The following ANO3 variants were observed in gnomAD, a reference collection of about 807,000 sequenced individuals.
ANO3 encodes anoctamin 3.
ANO3 carries 99 observed loss-of-function variants against 144.8 expected under a neutral mutation model. The observed-to-expected ratio is 0.68, with a 90% CI of 0.58 to 0.81. The LOEUF (loss-of-function observed/expected upper bound fraction) is 0.81. Ranked by LOEUF, ANO3 falls within the 30% of genes least tolerant of loss-of-function variation. The pLI, the probability that ANO3 is intolerant of heterozygous loss-of-function variation, is 0.00. For missense variants in ANO3, 905 were observed against 1,202.2 expected, an observed-to-expected ratio of 0.75 and a Z score of 3.66; for synonymous variants, 414 against 392.6, an observed-to-expected ratio of 1.05 and a Z score of -0.64.
chr11:26,562,362 C>G (rs369642232), intron 14 of ANO3, among the ~76,000 whole-genome samples: 35 of 151,938 alleles, frequency 2.3e-4, no homozygotes, highest in Admixed American at 5.9e-4. Context: ...CAATGGGACC[C>G]ACCAGAAGCA....
At chr11:26,309,704 G>T in exon 1 of ANO3, 4 of 985,340 alleles carry the variant, frequency 4.1e-6, no homozygotes, top group Non-Finnish European at 4.8e-6. Flanking sequence ...GGCTGCCAAA[G>T]GCAAATATAA....
chr11:26,507,664 T>C (rs569849596), intron 4 of ANO3, among the ~76,000 whole-genome samples: 1 of 152,308 alleles, frequency 6.6e-6, no homozygotes, highest in African/African-American at 2.4e-5. Flanking sequence ...ATCTTTGAAA[T>C]GCATGTAATG....
chr11:26,563,344 T>C, intron 14 of ANO3: 1 of 1,365,342 alleles, frequency 7.3e-7, no homozygotes, highest in Non-Finnish European at 9.9e-7. Context: ...ACTTTCCATA[T>C]AACAAAGAAT....
chr11:26,543,495 C>T (rs1849697835), intron 11 of ANO3, among the ~76,000 whole-genome samples: 1 of 151,980 alleles, frequency 6.6e-6, no homozygotes, highest in South Asian at 2.1e-4. Context: ...TTCTAGGGTA[C>T]ATGTGCACAA....
intron 3 of ANO3, among the ~76,000 whole-genome samples, chr11:26,453,105 G>A (rs1452252036): frequency 6.6e-6 from 1 of 152,098 alleles, no homozygotes; most frequent in Non-Finnish European, 1.5e-5. Context: ...GGAACAACCG[G>A]TACCAGCCGC....
chr11:26,190,681 T>A (rs1214003775), intron 1 of ANO3, among the ~76,000 whole-genome samples: 1 of 152,194 alleles, frequency 6.6e-6, no homozygotes, highest in African/African-American at 2.4e-5. Flanking sequence ...TAGATTCAAC[T>A]ATTGTCTTTG....
intron 14 of ANO3, among the ~76,000 whole-genome samples, chr11:26,588,332 A>G (rs1390760141): frequency 5.7e-5 from 2 of 34,830 alleles, no homozygotes; most frequent in African/African-American, 1.3e-4. Context: ...ATTTTTCTGT[A>G]TACCTTTTTC....
chr11:26,640,575 G>GT (rs1279896781), intron 21 of ANO3, among the ~76,000 whole-genome samples: 1 of 152,134 alleles, frequency 6.6e-6, no homozygotes, highest in African/African-American at 2.4e-5. Context: ...ACAAGATGAT[G>GT]TAGGGGTCAT....
chr11:26,295,022 C>T (rs1854054007), intron 1 of ANO3, among the ~76,000 whole-genome samples: 1 of 152,046 alleles, frequency 6.6e-6, no homozygotes, highest in South Asian at 2.1e-4. Context: ...CCTCAGCCTC[C>T]TGAGTAACTG....
At chr11:26,427,961 T>G (rs1435610328) in intron 1 of ANO3, among the ~76,000 whole-genome samples, 1 of 152,116 alleles carries the variant, frequency 6.6e-6, no homozygotes, top group Non-Finnish European at 1.5e-5. Flanking sequence ...ACCACCCCCA[T>G]GATTCTATTA....
intron 1 of ANO3, among the ~76,000 whole-genome samples, chr11:26,225,024 T>G (rs1000638603): frequency 6.6e-6 from 1 of 152,180 alleles, no homozygotes; most frequent in African/African-American, 2.4e-5. Flanking sequence ...TTTTTAAATA[T>G]TCATTTATTA....
intron 1 of ANO3, among the ~76,000 whole-genome samples, chr11:26,209,853 A>C (rs1370711880): frequency 1.3e-5 from 2 of 151,826 alleles, no homozygotes; most frequent in East Asian, 1.9e-4. Flanking sequence ...TTTTCTTGTA[A>C]ATTTGTTTAA....
At chr11:26,370,634 G>A (rs1448072991) in intron 1 of ANO3, among the ~76,000 whole-genome samples, 11 of 152,314 alleles carry the variant, frequency 7.2e-5, no homozygotes, top group Non-Finnish European at 1.6e-4. Context: ...ATGTGGGAAC[G>A]TTTGGAACTT....
intron 5 of ANO3, 46 bp from the exon 6 acceptor site, chr11:26,516,781 C>A (rs199969652): frequency 2.5e-4 from 333 of 1,333,126 alleles, no homozygotes; most frequent in Middle Eastern, 1.3e-3. Context: ...ATGATATCAT[C>A]AGCTCTGATT....
chr11:26,379,584 C>A (rs746569284), intron 1 of ANO3, among the ~76,000 whole-genome samples: 53 of 151,958 alleles, frequency 3.5e-4, no homozygotes, highest in Admixed American at 1.0e-3. Context: ...GAGTTCAAGA[C>A]CAGCTTGGGC....
intron 3 of ANO3, among the ~76,000 whole-genome samples, chr11:26,448,881 G>A (rs1462878911): frequency 2.7e-5 from 4 of 150,146 alleles, no homozygotes; most frequent in African/African-American, 1.0e-4. Flanking sequence ...GCTACCTTCT[G>A]TTGGTACGCT....
In ANO3 at chr11:26,542,027, C is replaced by G. The variant is rs1590492795; in HGVS notation, c.1113C>G (p.Arg371=). ...NRHLLYERWA[R]WGMWYKHQPL... ...ATCTATTATATGAGCGCTGGGCACG[C>G]TGGGGAATGTGGTATAAGCATCAGC... The change falls in exon 11 of 27, where the codon CGC becomes CGG. Residue 371 remains arginine, a synonymous_variant. Coordinates refer to ENST00000256737, the MANE Select transcript of ANO3 (RefSeq NM_031418.4). The G allele has an allele frequency of 6.2e-7, 1 of 1,612,720 alleles. No homozygotes were observed.
intron 1 of ANO3, among the ~76,000 whole-genome samples, chr11:26,271,654 A>AAAAAG (rs1161304717): frequency 2.2e-4 from 34 of 152,086 alleles, no homozygotes; most frequent in African/African-American, 7.9e-4. Flanking sequence ...TCACTACTTA[A>AAAAAG]AAATTTAGTT....
intron 1 of ANO3, among the ~76,000 whole-genome samples, chr11:26,293,549 A>G (rs1267259440): frequency 7.8e-6 from 1 of 127,860 alleles, no homozygotes; most frequent in Non-Finnish European, 1.6e-5. Flanking sequence ...ATATATATAT[A>G]TATATATATA....
Sources: allele counts gnomAD v4.1 joint callset (sites outside exome capture counted in the v4.1 genomes callset), GRCh38; gene constraint gnomAD v4.1.1; transcripts MANE v1.5; gene names NCBI Gene and HGNC (gene_info 2026-07-23, HGNC 2026-07-21).